The following CHAF1B variants were observed in gnomAD, a reference collection of about 807,000 sequenced individuals.
CHAF1B encodes CAF-1 subunit B.
CHAF1B carries 10 observed loss-of-function variants against 60.7 expected under a neutral mutation model. That is an observed-to-expected ratio of 0.16 (90% CI 0.10 to 0.28). CHAF1B has a LOEUF of 0.28. Among genes scored for constraint, CHAF1B ranks in the 10% least tolerant of loss-of-function variants. CHAF1B has a pLI of 1.00. For synonymous variants in CHAF1B, 261 were observed against 266.1 expected, an observed-to-expected ratio of 0.98 and a Z score of 0.19; for missense variants, 558 against 708.4, an observed-to-expected ratio of 0.79 and a Z score of 2.41.
rs148582638 is a variant in CHAF1B, at chr21:36,413,102, C to G, written c.1280C>G (p.Pro427Arg). ...EGTPASRTQD[P>R]SSPGTTPPQA... ...ACCCCTGCCAGCAGAACCCAAGACC[C>G]CAGCAGCCCCGGCACGACTCCCCCT... Residue 427 changes from proline (P) to arginine (R), a missense_variant, in exon 12 of 14, where the codon CCC becomes CGC. Physicochemically the swap from Pro to Arg is moderately radical, Grantham distance 103. Around this residue, in one of 2 missense-constraint regions of CHAF1B, gnomAD observed 233 missense variants for 214.9 expected, o/e 1.08. Transcript: ENST00000314103. 12 of 1,613,980 alleles carry G rather than the reference C, an allele frequency of 7.4e-6. No individual in the cohort carries two copies. Among genetic ancestry groups the G allele is most frequent in the Non-Finnish European group, 1.0e-5 (12 of 1,180,020 alleles).
intron 4 of CHAF1B, among the ~76,000 whole-genome samples, chr21:36,392,454 G>A (rs1181115867): frequency 6.6e-6 from 1 of 152,234 alleles, no homozygotes; most frequent in East Asian, 1.9e-4. Flanking sequence ...CTCCCAGACG[G>A]GGTGGCGGCC....
chr21:36,393,645 G>C (rs920834643), intron 4 of CHAF1B, among the ~76,000 whole-genome samples: 1 of 151,510 alleles, frequency 6.6e-6, no homozygotes, highest in African/African-American at 2.4e-5. Flanking sequence ...GTAGAGACGG[G>C]GTTTCTCCAT....
rs768501505 is a variant in CHAF1B at position 36,416,387 on chromosome 21, G to C, written c.*21G>C. The C allele has an allele frequency of 3.1e-6, 5 of 1,603,888 alleles. No individual in the cohort carries two copies. In the South Asian group the frequency reaches 4.4e-5, roughly 14 times the overall value. ...CTTGATGGGACCTCGGCTTCTGCTC[G>C]AAGCCTACCAGGCTCCCGGTGTGTG... On this transcript the variant is annotated 3_prime_UTR_variant, in exon 14 of 14. Coordinates refer to ENST00000314103, the MANE Select transcript of CHAF1B (RefSeq NM_005441.3).
intron 8 of CHAF1B, among the ~76,000 whole-genome samples, chr21:36,407,543 TA>T (rs1252638754): frequency 6.6e-6 from 1 of 152,100 alleles, no homozygotes; most frequent in East Asian, 1.9e-4. Context: ...ATGGACTCAA[TA>T]AAAAATATCA....
chr21:36,408,858 G>T (rs780552265), intron 9 of CHAF1B, 28 bp downstream of exon 9: 2 of 1,529,082 alleles, frequency 1.3e-6, no homozygotes, highest in Admixed American at 1.7e-5. Context: ...TGTTTGAAAT[G>T]TTTACATTTT....
intron 7 of CHAF1B, among the ~76,000 whole-genome samples, chr21:36,402,189 T>C (rs1221752513): frequency 6.6e-6 from 1 of 152,228 alleles, no homozygotes; most frequent in African/African-American, 2.4e-5. Flanking sequence ...TGTGGTGGCA[T>C]GTGCCTGTAG....
At chr21:36,410,137 A>G (rs2086266706) in intron 10 of CHAF1B, among the ~76,000 whole-genome samples, 1 of 151,678 alleles carries the variant, frequency 6.6e-6, no homozygotes, top group African/African-American at 2.4e-5. Flanking sequence ...TAATTTTTGT[A>G]TTTTTAGTAG....
Position 36,417,654 on chromosome 21 carries a change from CG to C in CHAF1B, c.*1292del, listed in dbSNP as rs1232123524. 2 of 151,624 alleles carry C rather than the reference CG, an allele frequency of 1.3e-5. No individual in the cohort carries two copies. The highest frequency in any genetic ancestry group is 2.4e-5 in the African/African-American group (1 of 41,212). 9.4% of individuals were successfully genotyped at this position (151,624 alleles called of 1,614,324 possible). ...CTAATTATTATATTTTTAGGGGAGA[CG>C]GGGTTTTTCCATGTTGCCCAGGCTG... On this transcript the variant is annotated 3_prime_UTR_variant, in exon 14 of 14. Transcript: ENST00000314103.
intron 7 of CHAF1B, among the ~76,000 whole-genome samples, chr21:36,401,451 ATAT>A (rs2086188760): frequency 2.5e-5 from 1 of 39,878 alleles, no homozygotes; most frequent in Non-Finnish European, 4.1e-5. Flanking sequence ...TACATAATAT[ATAT>A]TTTTATATTA....
At chr21:36,397,608 A>C in intron 6 of CHAF1B, 97 bp downstream of exon 6, 1 of 529,652 alleles carries the variant, frequency 1.9e-6, no homozygotes, top group Middle Eastern at 3.5e-4. Context: ...GATTTATCAT[A>C]GTCTAACTTT....
At chr21:36,399,361 C>T (rs1176936948) in intron 6 of CHAF1B, 160 bp from the exon 7 acceptor site, 3 of 632,102 alleles carry the variant, frequency 4.7e-6, no homozygotes, top group Non-Finnish European at 8.4e-6. Flanking sequence ...GTTGTTAATA[C>T]TTGCTTCCTT....
intron 13 of CHAF1B, chr21:36,415,792 G>C: frequency 2.6e-6 from 1 of 379,600 alleles, no homozygotes; most frequent in Non-Finnish European, 5.0e-6. Context: ...TTGCTCTGTC[G>C]CCCAGGCTGG....
At chr21:36,385,790 G>A (rs1314894307) in intron 1 of CHAF1B, among the ~76,000 whole-genome samples, 1 of 152,142 alleles carries the variant, frequency 6.6e-6, no homozygotes, top group Non-Finnish European at 1.5e-5. Flanking sequence ...CCCCTACTAA[G>A]CGGGGACAGG....
At chr21:36,403,285 C>T (rs1223586761) in intron 8 of CHAF1B, among the ~76,000 whole-genome samples, 1 of 151,326 alleles carries the variant, frequency 6.6e-6, no homozygotes, top group Non-Finnish European at 1.5e-5. Context: ...TGGTGAAACA[C>T]CCTCTCTATT....
chr21:36,387,967 T>A (rs2086048556), intron 3 of CHAF1B, among the ~76,000 whole-genome samples: 1 of 151,990 alleles, frequency 6.6e-6, no homozygotes, highest in African/African-American at 2.4e-5. Flanking sequence ...TACAGGCGCC[T>A]GCCACCACGC....
In CHAF1B at chr21:36,416,392, C is replaced by G. The variant is rs1162381017; in HGVS notation, c.*26C>G. On this transcript the variant is annotated 3_prime_UTR_variant, in exon 14 of 14. Transcript: ENST00000314103. ...TGGGACCTCGGCTTCTGCTCGAAGC[C>G]TACCAGGCTCCCGGTGTGTGCAGGG... The G allele has an allele frequency of 6.3e-7, 1 of 1,597,452 alleles. No individual in the cohort carries two copies. Among genetic ancestry groups the G allele is most frequent in the Admixed American group, 1.7e-5 (1 of 58,738 alleles).
intron 6 of CHAF1B, 90 bp from the exon 7 acceptor site, chr21:36,399,431 G>A (rs566218281): frequency 1.2e-5 from 12 of 1,040,830 alleles, no homozygotes; most frequent in South Asian, 2.8e-5. Context: ...AAACTGTTGC[G>A]GTGGTAATAG....
chr21:36,386,360 C>T, intron 2 of CHAF1B, 98 bp downstream of exon 2: 3 of 1,451,774 alleles, frequency 2.1e-6, no homozygotes, highest in East Asian at 2.3e-5. Flanking sequence ...CGGTGGCTTA[C>T]GCCTGTAATC....
At chr21:36,390,636 A>G (rs1400362263) in intron 3 of CHAF1B, among the ~76,000 whole-genome samples, 1 of 152,186 alleles carries the variant, frequency 6.6e-6, no homozygotes, top group African/African-American at 2.4e-5. Context: ...AATCCTCACA[A>G]CAGCCTGTGA....
Sources: gnomAD v4.1 joint callset for allele counts (sites outside exome capture counted in the v4.1 genomes callset) on GRCh38, gnomAD v4.1.1 for gene constraint, gnomAD v4.1.1 regional missense constraint, MANE v1.5 for transcripts, NCBI Gene and HGNC (gene_info 2026-07-23, HGNC 2026-07-21) for gene names.